DSCAM: variants seen among roughly 807,000 people sequenced by gnomAD.
DSCAM encodes DS cell adhesion molecule.
A neutral mutation model predicts 217.7 loss-of-function variants in DSCAM; 47 were observed. The ratio of observed to expected loss-of-function variants is 0.22; its 90% CI spans 0.17 to 0.28. The LOEUF (loss-of-function observed/expected upper bound fraction) is 0.28, where lower values mean the gene tolerates loss of function less well. Among genes scored for constraint, DSCAM ranks in the 10% least tolerant of loss-of-function variants. The pLI is 1.00. For synonymous variants in DSCAM, 1,056 were observed against 1,015.3 expected, an observed-to-expected ratio of 1.04 and a Z score of -0.76; for missense variants, 2,080 against 2,618.3, an observed-to-expected ratio of 0.79 and a Z score of 4.49.
intron 16 of DSCAM, among the ~76,000 whole-genome samples, chr21:40,153,494 G>C (rs1054923416): frequency 6.6e-6 from 1 of 152,216 alleles, no homozygotes; most frequent in African/African-American, 2.4e-5. Flanking sequence ...CCCAGGAATG[G>C]AGAGAGGCTC....
chr21:40,523,484 G>A (rs765878892), intron 3 of DSCAM, among the ~76,000 whole-genome samples: 1 of 151,978 alleles, frequency 6.6e-6, no homozygotes, highest in African/African-American at 2.4e-5. Context: ...GCCATTGACC[G>A]GTGAATGCCG....
chr21:40,717,495 C>G (rs999417194), intron 1 of DSCAM, among the ~76,000 whole-genome samples: 1 of 152,236 alleles, frequency 6.6e-6, no homozygotes, highest in East Asian at 1.9e-4. Context: ...GGATATCACT[C>G]AGCAATAAAC....
intron 20 of DSCAM, among the ~76,000 whole-genome samples, chr21:40,121,288 T>G (rs2090030554): frequency 6.6e-6 from 1 of 152,186 alleles, no homozygotes; most frequent in African/African-American, 2.4e-5. Context: ...TCTTGATCAT[T>G]TCATATTTAA....
chr21:40,308,826 A>G (rs757994726), intron 9 of DSCAM, among the ~76,000 whole-genome samples: 1 of 152,044 alleles, frequency 6.6e-6, no homozygotes, highest in African/African-American at 2.4e-5. Flanking sequence ...CTATTAGATA[A>G]TTTTTGTTTT....
chr21:40,484,131 C>T (rs1419529792), intron 3 of DSCAM, among the ~76,000 whole-genome samples: 1 of 152,214 alleles, frequency 6.6e-6, no homozygotes, highest in African/African-American at 2.4e-5. Flanking sequence ...AGGTTCCCCA[C>T]CTATAAACAA....
At chr21:40,117,542 C>T (rs1027523685) in intron 20 of DSCAM, among the ~76,000 whole-genome samples, 2 of 151,944 alleles carry the variant, frequency 1.3e-5, no homozygotes, top group Admixed American at 6.6e-5. Flanking sequence ...ACACCTCCTG[C>T]GTAAGGTAGT....
At chr21:40,606,850 G>A (rs2089246378) in intron 3 of DSCAM, among the ~76,000 whole-genome samples, 1 of 152,198 alleles carries the variant, frequency 6.6e-6, no homozygotes, top group African/African-American at 2.4e-5. Flanking sequence ...ATGGGGGCAG[G>A]TCTTTCCTGT....
chr21:40,507,137 C>A (rs1037564036), intron 3 of DSCAM, among the ~76,000 whole-genome samples: 2 of 151,964 alleles, frequency 1.3e-5, no homozygotes, highest in East Asian at 3.9e-4. Context: ...ATTAGCCAGG[C>A]ATGGTGGCAC....
rs1270256325 is a variant in DSCAM at position 40,353,384 on chromosome 21, A to G, written c.934+81T>C. 1.9e-6 allele frequency: 3 copies of G among 1,555,998 alleles called. No individual in the cohort carries two copies. The African/African-American group carries it at 4.2e-5, about 22-fold the overall frequency. On this transcript the variant is annotated intron_variant, in intron 5 of 32. Transcript: ENST00000400454. ...TTTGGGAGTTAATGGAAAGCTACAG[A>G]GAAAACATGGAGATTTGCTTATAAC... is the stretch of plus-strand genomic sequence containing the variant.
At chr21:40,017,700 C>A (rs1016424080) in intron 32 of DSCAM, among the ~76,000 whole-genome samples, 1 of 152,048 alleles carries the variant, frequency 6.6e-6, no homozygotes, top group South Asian at 2.1e-4. Flanking sequence ...TACAGGCATG[C>A]ACCACCACGC....
At chr21:40,078,647 C>T in intron 26 of DSCAM, 40 bp downstream of exon 26, 1 of 1,593,558 alleles carries the variant, frequency 6.3e-7, no homozygotes, top group South Asian at 1.1e-5. Context: ...GCACATCCCC[C>T]AAGACACAAG....
chr21:40,470,710 T>C (rs1393563970), intron 3 of DSCAM, among the ~76,000 whole-genome samples: 3 of 152,216 alleles, frequency 2.0e-5, no homozygotes, highest in East Asian at 3.9e-4. Flanking sequence ...TGCACCACCA[T>C]GTATGGCTAA....
chr21:40,414,997 C>T (rs1169392229), intron 3 of DSCAM, among the ~76,000 whole-genome samples: 1 of 152,004 alleles, frequency 6.6e-6, no homozygotes, highest in Non-Finnish European at 1.5e-5. Flanking sequence ...TAATATATGC[C>T]TACAACATTT....
At chr21:40,475,843 T>TAAATAAATAAATA (rs544869000) in intron 3 of DSCAM, among the ~76,000 whole-genome samples, 2 of 151,664 alleles carry the variant, frequency 1.3e-5, no homozygotes, top group South Asian at 2.1e-4. Context: ...ATAAATAAAT[T>TAAATAAATAAATA]AATAAATAAA....
intron 2 of DSCAM, among the ~76,000 whole-genome samples, chr21:40,698,325 G>A (rs1371712766): frequency 6.6e-6 from 1 of 152,218 alleles, no homozygotes; most frequent in African/African-American, 2.4e-5. Context: ...CAAACAGAAT[G>A]TAGACGAGGG....
At position 40,439,833 on chromosome 21, in the gene DSCAM, C is replaced by A. The variant is rs112517355; in HGVS notation, c.509-70588G>T. Among the ~76,000 whole-genome samples, 688 of 152,242 alleles carry A rather than the reference C, an allele frequency of 4.5e-3. 6 individuals are homozygous for A. The highest frequency in any genetic ancestry group is 0.015 in the African/African-American group (624 of 41,542). On this transcript the variant is annotated intron_variant, in intron 3 of 32. Transcript: ENST00000400454. ...ATCTCATGAGACTTATTCACTATCACAAGATCACGAGAACAGCATGGAAAA... is the reference window on the plus strand; with the variant it reads ...ATCTCATGAGACTTATTCACTATCAAAAGATCACGAGAACAGCATGGAAAA...
intron 3 of DSCAM, among the ~76,000 whole-genome samples, chr21:40,642,451 T>C (rs1422136488): frequency 2.0e-5 from 3 of 152,182 alleles, no homozygotes; most frequent in Non-Finnish European, 2.9e-5. Context: ...GGTTTAGAAC[T>C]AGAATCACCT....
At chr21:40,834,202 A>T (rs1256458544) in intron 1 of DSCAM, among the ~76,000 whole-genome samples, 3 of 151,806 alleles carry the variant, frequency 2.0e-5, no homozygotes, top group South Asian at 2.1e-4. Flanking sequence ...AGGTCAGGAG[A>T]TCAAGACCAT....
At chr21:40,480,501 ACTT>A (rs1167370228) in intron 3 of DSCAM, among the ~76,000 whole-genome samples, 2 of 152,200 alleles carry the variant, frequency 1.3e-5, no homozygotes, top group Non-Finnish European at 2.9e-5. Context: ...CAAATATCAT[ACTT>A]CATTTTCTAG....
Sources: gnomAD v4.1 joint callset for allele counts (sites outside exome capture counted in the v4.1 genomes callset) on GRCh38, gnomAD v4.1.1 for gene constraint, MANE v1.5 for transcripts, NCBI Gene and HGNC (gene_info 2026-07-23, HGNC 2026-07-21) for gene names.